Variants in PTPRD observed in about 807,000 individuals in gnomAD.
PTPRD encodes receptor-type tyrosine-protein phosphatase delta.
A neutral mutation model predicts 214.5 loss-of-function variants in PTPRD; 34 were observed. That is an observed-to-expected ratio of 0.16 (90% CI 0.12 to 0.21). The LOEUF is 0.21. PTPRD is among the 10% of genes least tolerant of loss of function. The pLI is 1.00. For missense variants in PTPRD, 2,545 were observed against 2,398.7 expected (o/e 1.06, Z -1.27); for synonymous variants, 1,128 against 845.7 (o/e 1.33, Z -5.79).
intron 5 of PTPRD, among the ~76,000 whole-genome samples, chr9:9,875,068 C>G (rs896630768): frequency 1.3e-5 from 2 of 152,048 alleles, no homozygotes; most frequent in African/African-American, 2.4e-5. Flanking sequence ...TAAGTTTTAA[C>G]CTATACATCA....
intron 3 of PTPRD, among the ~76,000 whole-genome samples, chr9:10,280,559 T>A (rs918310033): frequency 6.6e-6 from 1 of 152,170 alleles, no homozygotes; most frequent in African/African-American, 2.4e-5. Context: ...GTTACTGGGC[T>A]CCACTCCCAG....
chr9:9,621,514 G>A (rs2095237804), intron 7 of PTPRD, among the ~76,000 whole-genome samples: 1 of 152,192 alleles, frequency 6.6e-6, no homozygotes, highest in South Asian at 2.1e-4. Flanking sequence ...ACAACTTTAA[G>A]CGATGAGGCT....
At chr9:8,502,196 A>G (rs2137068057) in intron 23 of PTPRD, among the ~76,000 whole-genome samples, 1 of 152,310 alleles carries the variant, frequency 6.6e-6, no homozygotes, top group African/African-American at 2.4e-5. Context: ...CAGCACAATT[A>G]CTATCATTAT....
Position 8,682,631 on chromosome 9 carries a change from T to C in PTPRD, c.65-45787A>G, listed in dbSNP as rs142199669. ...TGTTAGCAGTTAAGCCAAAATGTTA[T>C]CCTAGTGTAGCAGGTGATGTACAAA... On this transcript the variant is annotated intron_variant, in intron 12 of 45. Transcript: ENST00000381196. 4.5e-4 allele frequency among the ~76,000 whole-genome samples: 68 copies of C among 152,336 alleles called. No individual in the cohort carries two copies. In the East Asian group the frequency reaches 0.013, roughly 29 times the overall value.
chr9:9,362,072 C>T lies in PTPRD; in HGVS notation c.-203+35377G>A, dbSNP rs189158449. Among the ~76,000 whole-genome samples, 25 of 151,090 alleles carry T rather than the reference C, an allele frequency of 1.7e-4. No individual in the cohort carries two copies. In the East Asian group the frequency reaches 3.5e-3, roughly 21 times the overall value. On this transcript the variant is annotated intron_variant, in intron 9 of 45. Transcript: ENST00000381196. ...TTCAAATGTTGACTTAAAAAAAGAT[C>T]GAGTGGAATTAAACTTCTATAATAT... is the stretch of plus-strand genomic sequence containing the variant.
chr9:8,481,458 T>C (rs1390182908), intron 30 of PTPRD, among the ~76,000 whole-genome samples: 3 of 152,192 alleles, frequency 2.0e-5, no homozygotes, highest in African/African-American at 7.2e-5. Context: ...TTAAAACTTC[T>C]TATTTCTGAT....
intron 10 of PTPRD, among the ~76,000 whole-genome samples, chr9:9,097,694 T>C (rs2099785599): frequency 6.6e-6 from 1 of 152,058 alleles, no homozygotes; most frequent in Admixed American, 6.6e-5. Flanking sequence ...CCATGGCTCT[T>C]GATGCAATCA....
At chr9:9,934,402 C>T (rs1426590987) in intron 5 of PTPRD, among the ~76,000 whole-genome samples, 6 of 138,682 alleles carry the variant, frequency 4.3e-5, no homozygotes, top group African/African-American at 8.3e-5. Flanking sequence ...ATATCGCCAC[C>T]GATCCCACAG....
At chr9:10,552,008 T>C (rs953001587) in intron 2 of PTPRD, among the ~76,000 whole-genome samples, 3 of 152,180 alleles carry the variant, frequency 2.0e-5, no homozygotes, top group Admixed American at 6.5e-5. Context: ...ATCACTTCTC[T>C]ATGGAGGTGC....
At chr9:9,999,012 C>A (rs1259219841) in intron 4 of PTPRD, among the ~76,000 whole-genome samples, 1 of 151,984 alleles carries the variant, frequency 6.6e-6, no homozygotes, top group East Asian at 1.9e-4. Flanking sequence ...GATGAGGTAG[C>A]CAAAGGAAAT....
chr9:9,578,109 T>C (rs922564156), intron 7 of PTPRD, among the ~76,000 whole-genome samples: 1 of 150,510 alleles, frequency 6.6e-6, no homozygotes, highest in Admixed American at 6.6e-5. Context: ...TACTACTTAT[T>C]TGAGGAACAA....
intron 5 of PTPRD, among the ~76,000 whole-genome samples, chr9:9,913,481 C>A (rs1052982872): frequency 1.3e-5 from 2 of 152,030 alleles, no homozygotes; most frequent in Admixed American, 6.6e-5. Flanking sequence ...AAGAAAGGAC[C>A]AAGTTAATGA....
chr9:8,465,623 A>G lies in PTPRD; in HGVS notation c.3557T>C (p.Val1186Ala), dbSNP rs1404147807. 1.9e-6 allele frequency: 3 copies of G among 1,612,346 alleles called. No individual in the cohort carries two copies. Among genetic ancestry groups the G allele is most frequent in the Non-Finnish European group, 2.5e-6 (3 of 1,178,910 alleles). The change falls in exon 32 of 46, where the codon GTT becomes GCT. Residue 1186 changes from valine (V) to alanine (A), a missense_variant. Transcript: ENST00000381196. ...KRRSIRYGRE[V>A]ELKPYIAAHF... is the part of the protein sequence containing the mutation. Reference sequence around the variant, plus strand: ...AGCGGCAATATATGGCTTTAATTCAACTTCTCTCCCATAACGGATGCTTCT... The same window carrying G: ...AGCGGCAATATATGGCTTTAATTCAGCTTCTCTCCCATAACGGATGCTTCT...
At position 9,934,909 on chromosome 9, in the gene PTPRD, A is replaced by T. The variant is rs889509459; in HGVS notation, c.-368+3598T>A. ...AAGAGGGCTTCATCCCTGGGATGCA[A>T]GGCTGGTTCAATATATGCAAATCAA... On this transcript the variant is annotated intron_variant, in intron 5 of 45. Coordinates refer to ENST00000381196, the MANE Select transcript of PTPRD (RefSeq NM_002839.4). Among the ~76,000 whole-genome samples, 8 of 152,296 alleles carry T rather than the reference A, an allele frequency of 5.3e-5. No individual in the cohort carries two copies. In the East Asian group the frequency reaches 1.5e-3, roughly 29 times the overall value.
intron 2 of PTPRD, among the ~76,000 whole-genome samples, chr9:10,403,227 AATATATATATATATATAT>A (rs58712564): frequency 1.3e-4 from 8 of 59,878 alleles, no homozygotes; most frequent in Admixed American, 1.8e-4. Context: ...TGTGTGTGTA[AATATATATATATATATAT>A]ATATATATAT....
chr9:10,274,757 C>T (rs1304989660), intron 3 of PTPRD, among the ~76,000 whole-genome samples: 1 of 152,060 alleles, frequency 6.6e-6, no homozygotes, highest in African/African-American at 2.4e-5. Context: ...TTTAAAATAA[C>T]TTAGAAGCTA....
intron 11 of PTPRD, among the ~76,000 whole-genome samples, chr9:8,943,979 G>GA (rs139219376): frequency 0.025 from 3,732 of 152,008 alleles, 63 homozygotes; most frequent in Non-Finnish European, 0.041. Flanking sequence ...TGGAATGGGA[G>GA]AAAACATTTG....
chr9:10,433,745 A>ACAG (rs1242251467), intron 2 of PTPRD, among the ~76,000 whole-genome samples: 2 of 151,938 alleles, frequency 1.3e-5, no homozygotes, highest in African/African-American at 4.8e-5. Flanking sequence ...TTAGGAGATG[A>ACAG]CAGCTATATT....
intron 9 of PTPRD, among the ~76,000 whole-genome samples, chr9:9,319,880 C>T (rs747929464): frequency 3.3e-5 from 5 of 152,036 alleles, no homozygotes; most frequent in Non-Finnish European, 5.9e-5. Context: ...ATTTTATTCC[C>T]ATACAATTTG....
Sources: allele counts gnomAD v4.1 joint callset (sites outside exome capture counted in the v4.1 genomes callset), GRCh38; gene constraint gnomAD v4.1.1; transcripts MANE v1.5; gene names NCBI Gene and HGNC (gene_info 2026-07-23, HGNC 2026-07-21).